The following TXNDC16 variants were observed in gnomAD, a reference collection of about 807,000 sequenced individuals.
The protein encoded by TXNDC16 is thioredoxin domain containing 16.
A neutral mutation model predicts 85.6 loss-of-function variants in TXNDC16; 74 were observed. The observed-to-expected ratio is 0.86, with a 90% CI of 0.72 to 1.05. TXNDC16 has a LOEUF of 1.05. TXNDC16 is among the 50% of genes least tolerant of loss of function. The pLI, the probability that TXNDC16 is intolerant of heterozygous loss-of-function variation, is 0.00. For synonymous variants in TXNDC16, 335 were observed against 326.5 expected (o/e 1.03, Z -0.28); for missense variants, 959 against 947.0 (o/e 1.01, Z -0.17).
At chr14:52,480,269 T>C (rs2036115027) in intron 14 of TXNDC16, among the ~76,000 whole-genome samples, 1 of 152,090 alleles carries the variant, frequency 6.6e-6, no homozygotes, top group African/African-American at 2.4e-5. Context: ...GGCAAGAATT[T>C]CATGACCAAG....
intron 8 of TXNDC16, among the ~76,000 whole-genome samples, chr14:52,513,590 C>CA (rs1466535366): frequency 1.3e-5 from 2 of 151,232 alleles, no homozygotes; most frequent in African/African-American, 2.4e-5. Context: ...ATGGGAAAAG[C>CA]AAAAAAATCT....
In TXNDC16 at chr14:52,519,235, C is replaced by T. The variant is rs755590657; in HGVS notation, c.451G>A (p.Glu151Lys). 2.4e-5 allele frequency: 39 copies of T among 1,607,884 alleles called. No individual in the cohort carries two copies. Among genetic ancestry groups the T allele is most frequent in the Non-Finnish European group, 3.1e-5 (37 of 1,175,870 alleles). ...ITNLEDLQNI[E>K]NALKGKANII... ...TTTGCTTTTCCTTTCAGAGCATTTT[C>T]TATGTTCTGAAGGTCTTCCAGGTTG... Residue 151 changes from glutamate to lysine, a missense_variant, in exon 7 of 21, where the codon GAA (glutamate) becomes AAA (lysine). By Grantham distance (56) the Glu-to-Lys change is moderately conservative. Coordinates refer to ENST00000281741, the MANE Select transcript of TXNDC16 (RefSeq NM_020784.3).
At chr14:52,449,692 G>C (rs527242007) in intron 18 of TXNDC16, among the ~76,000 whole-genome samples, 1 of 151,950 alleles carries the variant, frequency 6.6e-6, no homozygotes, top group African/African-American at 2.4e-5. Context: ...TAGACTTTAG[G>C]TTAAGTCATA....
intron 6 of TXNDC16, among the ~76,000 whole-genome samples, chr14:52,529,649 TATTA>T (rs2037435971): frequency 1.9e-5 from 2 of 106,594 alleles, no homozygotes; most frequent in Non-Finnish European, 3.4e-5. Context: ...CTATTATATA[TATTA>T]TATATAATGC....
At chr14:52,465,461 G>A (rs191417244) in intron 16 of TXNDC16, among the ~76,000 whole-genome samples, 6 of 151,860 alleles carry the variant, frequency 4.0e-5, no homozygotes, top group East Asian at 1.9e-4. Context: ...GCTTGGTGGC[G>A]GGCGCCTGTA....
At chr14:52,546,280 A>AAAAC (rs575599783) in intron 1 of TXNDC16, among the ~76,000 whole-genome samples, 3 of 152,172 alleles carry the variant, frequency 2.0e-5, no homozygotes, top group Non-Finnish European at 1.5e-5. Flanking sequence ...GCCTAAAAAC[A>AAAAC]AAACAAACAA....
intron 9 of TXNDC16, among the ~76,000 whole-genome samples, chr14:52,501,063 CT>C (rs2036647126): frequency 6.6e-6 from 1 of 152,036 alleles, no homozygotes; most frequent in South Asian, 2.1e-4. Flanking sequence ...TGTTGGGAAC[CT>C]TAATAATACA....
At chr14:52,549,099 T>G (rs1407277702) in intron 1 of TXNDC16, among the ~76,000 whole-genome samples, 1 of 152,210 alleles carries the variant, frequency 6.6e-6, no homozygotes, top group East Asian at 1.9e-4. Flanking sequence ...ATGTTTTCCA[T>G]AGCATGTTTG....
chr14:52,496,986 T>A (rs970395614), intron 9 of TXNDC16, among the ~76,000 whole-genome samples: 3 of 152,048 alleles, frequency 2.0e-5, no homozygotes, highest in African/African-American at 7.2e-5. Flanking sequence ...GATAAAGTCA[T>A]AGGGTAGTAT....
intron 20 of TXNDC16, among the ~76,000 whole-genome samples, chr14:52,438,070 T>C (rs1028398612): frequency 6.6e-6 from 1 of 152,218 alleles, no homozygotes; most frequent in Non-Finnish European, 1.5e-5. Context: ...TGCAATCTTA[T>C]GATGAATCTT....
chr14:52,533,174 C>A (rs987183454), intron 6 of TXNDC16, among the ~76,000 whole-genome samples: 1 of 152,142 alleles, frequency 6.6e-6, no homozygotes, highest in Non-Finnish European at 1.5e-5. Flanking sequence ...CTGACTGAGG[C>A]ATGATGGACT....
intron 18 of TXNDC16, among the ~76,000 whole-genome samples, chr14:52,444,109 G>T: frequency 6.6e-6 from 1 of 152,050 alleles, no homozygotes; most frequent in Non-Finnish European, 1.5e-5. Context: ...GAGGAGGAAT[G>T]GTATAGACAA....
chr14:52,502,633 A>G (rs2036685667), intron 9 of TXNDC16, among the ~76,000 whole-genome samples: 1 of 152,208 alleles, frequency 6.6e-6, no homozygotes, highest in South Asian at 2.1e-4. Flanking sequence ...TCCAGTCTAC[A>G]GCTCCCAGAG....
Position 52,455,445 on chromosome 14 carries a change from GC to G in TXNDC16, c.1720del (p.Ala574GlnfsTer16), listed in dbSNP as rs750774951. 1.9e-6 allele frequency: 3 copies of G among 1,613,942 alleles called. No homozygotes were observed. In the South Asian group the frequency reaches 3.3e-5, roughly 18 times the overall value. On this transcript the variant is annotated frameshift_variant, in exon 18 of 21. Transcript: ENST00000281741. LOFTEE classifies it high-confidence loss of function. ...DVLLLSTKYA[A>X]SLPALLLARH... ...GGCAAGCAGCAGGGCTGGAAGACTT[GC>G]AGCATATTTGGTTGACCTATGGAGA... is the stretch of plus-strand genomic sequence containing the variant.
chr14:52,433,412 TA>T (rs1442593668), intron 20 of TXNDC16, among the ~76,000 whole-genome samples: 2 of 152,082 alleles, frequency 1.3e-5, no homozygotes, highest in Non-Finnish European at 2.9e-5. Flanking sequence ...TTTTAAAAAA[TA>T]AACTATATAA....
rs912396480 is a variant in TXNDC16 at position 52,479,938 on chromosome 14, A to G, written c.1312+2292T>C. ...TGAAACTATAAGGCCAGAGTCACCA[A>G]AACAGTGTGGTACTGGCATAAAAAT... On this transcript the variant is annotated intron_variant, in intron 14 of 20. Coordinates refer to ENST00000281741, the MANE Select transcript of TXNDC16 (RefSeq NM_020784.3). Among the ~76,000 whole-genome samples, 4 of 152,188 alleles carry G rather than the reference A, an allele frequency of 2.6e-5. No individual in the cohort carries two copies. In the East Asian group the frequency reaches 5.8e-4, roughly 22 times the overall value.
At chr14:52,499,939 T>G (rs1566562448) in intron 9 of TXNDC16, among the ~76,000 whole-genome samples, 1 of 152,176 alleles carries the variant, frequency 6.6e-6, no homozygotes. Flanking sequence ...CATAATTTAA[T>G]TTTGTATTAT....
chr14:52,432,293 G>C lies in TXNDC16; in HGVS notation c.*11C>G. 1 of 1,588,370 alleles carries C rather than the reference G, an allele frequency of 6.3e-7. No individual in the cohort carries two copies. Among genetic ancestry groups the C allele is most frequent in the Non-Finnish European group, 8.6e-7 (1 of 1,168,376 alleles). On this transcript the variant is annotated 3_prime_UTR_variant, in exon 21 of 21. Coordinates refer to ENST00000281741, the MANE Select transcript of TXNDC16 (RefSeq NM_020784.3). ...TGCCAAAAAAATTTTGGAAACCACA[G>C]CCCTATAAAATTAGTTCACTTTTGA...
At chr14:52,460,996 A>G (rs1012405952) in intron 16 of TXNDC16, among the ~76,000 whole-genome samples, 2 of 151,648 alleles carry the variant, frequency 1.3e-5, no homozygotes, top group African/African-American at 4.8e-5. Flanking sequence ...AAACTTTGTA[A>G]TCTCATAACA....
Sources: allele counts gnomAD v4.1 joint callset (sites outside exome capture counted in the v4.1 genomes callset), GRCh38; gene constraint gnomAD v4.1.1; transcripts MANE v1.5; gene names NCBI Gene and HGNC (gene_info 2026-07-23, HGNC 2026-07-21).